The following PRKG1 variants were observed in gnomAD, a reference collection of about 807,000 sequenced individuals.
PRKG1 encodes cGMP-dependent protein kinase 1.
PRKG1 carries 35 observed loss-of-function variants against 88.1 expected under a neutral mutation model. The observed-to-expected ratio is 0.40, with a 90% CI of 0.30 to 0.53. PRKG1 has a LOEUF of 0.53. Ranked by LOEUF, PRKG1 falls within the 20% of genes least tolerant of loss-of-function variation. The probability of loss-of-function intolerance (pLI) is 0.59; values close to 1 mark genes in which losing one functional copy is unlikely to be tolerated. For missense variants in PRKG1, 540 were observed against 839.8 expected (o/e 0.64, Z 4.41); for synonymous variants, 303 against 292.5 (o/e 1.04, Z -0.37).
intron 3 of PRKG1, among the ~76,000 whole-genome samples, chr10:51,491,892 C>T (rs376187894): frequency 1.3e-5 from 2 of 152,168 alleles, no homozygotes; most frequent in East Asian, 3.9e-4. Flanking sequence ...TTGTAGAAGT[C>T]ATCCTATTTT....
intron 5 of PRKG1, among the ~76,000 whole-genome samples, chr10:52,010,954 A>G (rs1208257141): frequency 6.6e-6 from 1 of 152,180 alleles, no homozygotes; most frequent in Non-Finnish European, 1.5e-5. Context: ...TTCTGGAGGT[A>G]TTTAGTAACC....
intron 1 of PRKG1, among the ~76,000 whole-genome samples, chr10:51,118,459 T>C (rs1845182202): frequency 6.6e-6 from 1 of 152,150 alleles, no homozygotes. Context: ...TAAATTAGCT[T>C]AAATTCTTAA....
intron 7 of PRKG1, among the ~76,000 whole-genome samples, chr10:52,082,454 T>C (rs1422400008): frequency 6.6e-6 from 1 of 152,132 alleles, no homozygotes; most frequent in Non-Finnish European, 1.5e-5. Context: ...GGTGATTGCA[T>C]GTTTCTGTGG....
chr10:51,311,500 T>C (rs114856730), intron 2 of PRKG1, among the ~76,000 whole-genome samples: 3,866 of 152,282 alleles, frequency 0.025, 160 homozygotes, highest in African/African-American at 0.087. Context: ...GTGGAGAACA[T>C]TGGCAGTTGA....
At chr10:51,381,023 A>G (rs916820790) in intron 2 of PRKG1, among the ~76,000 whole-genome samples, 3 of 151,822 alleles carry the variant, frequency 2.0e-5, no homozygotes, top group Middle Eastern at 3.2e-3. Flanking sequence ...CCATTCTTTG[A>G]ATTTGGACGG....
chr10:51,677,273 A>G (rs1436051796), intron 3 of PRKG1, among the ~76,000 whole-genome samples: 2 of 152,068 alleles, frequency 1.3e-5, no homozygotes, highest in South Asian at 2.1e-4. Flanking sequence ...CCACTCTACT[A>G]TTGATGGACA....
chr10:52,183,933 C>G (rs1839115111), intron 9 of PRKG1, among the ~76,000 whole-genome samples: 1 of 152,160 alleles, frequency 6.6e-6, no homozygotes, highest in African/African-American at 2.4e-5. Flanking sequence ...TTTACCTTTT[C>G]CCTACAGGGG....
chr10:51,484,807 T>G (rs1017190573), intron 3 of PRKG1, among the ~76,000 whole-genome samples: 58 of 152,018 alleles, frequency 3.8e-4, no homozygotes, highest in African/African-American at 1.3e-3. Flanking sequence ...ATTTTTTGCT[T>G]TGTACAGAAA....
chr10:51,451,963 G>T (rs920285790), intron 2 of PRKG1, among the ~76,000 whole-genome samples: 1 of 151,862 alleles, frequency 6.6e-6, no homozygotes, highest in Admixed American at 6.6e-5. Flanking sequence ...TTTCATAAAA[G>T]ATATTATTAT....
At position 51,930,991 on chromosome 10, in the gene PRKG1, A is replaced by C. The variant is rs1211869212; in HGVS notation, c.762+23421A>C. 2.0e-5 allele frequency among the ~76,000 whole-genome samples: 3 copies of C among 152,140 alleles called. No individual in the cohort carries two copies. The East Asian group carries it at 5.8e-4, about 29-fold the overall frequency. On this transcript the variant is annotated intron_variant, in intron 5 of 17. Coordinates refer to ENST00000373980, the MANE Select transcript of PRKG1 (RefSeq NM_006258.4). ...CTGGAAGTGCTTCTCTCCTGTCCTC[A>C]GCATTGGTGACTCTCAGTGAGCTAG...
At chr10:51,615,288 G>T (rs1417178165) in intron 3 of PRKG1, among the ~76,000 whole-genome samples, 2 of 152,080 alleles carry the variant, frequency 1.3e-5, no homozygotes, top group Non-Finnish European at 2.9e-5. Flanking sequence ...AGTTTAGACA[G>T]TTTGACTATA....
intron 2 of PRKG1, among the ~76,000 whole-genome samples, chr10:51,300,386 A>T (rs1840851440): frequency 6.6e-6 from 1 of 152,244 alleles, no homozygotes; most frequent in African/African-American, 2.4e-5. Flanking sequence ...GATTTATGAA[A>T]GTTGTGGGAC....
intron 3 of PRKG1, among the ~76,000 whole-genome samples, chr10:51,556,644 C>T (rs1421959043): frequency 6.6e-6 from 1 of 152,064 alleles, no homozygotes. Flanking sequence ...GCTACATGAT[C>T]TCACTTATAA....
intron 7 of PRKG1, among the ~76,000 whole-genome samples, chr10:52,110,843 G>A (rs566356185): frequency 6.6e-6 from 1 of 152,274 alleles, no homozygotes; most frequent in Non-Finnish European, 1.5e-5. Context: ...AGAACTGCAT[G>A]TTCCAGGGCT....
rs568897037 is a variant in PRKG1 at position 51,054,713 on chromosome 10, G to T, written c.266+63069G>T. On this transcript the variant is annotated intron_variant, in intron 1 of 17. Transcript: ENST00000401604. The stretch of plus-strand genomic sequence containing the variant: ...ATCATCATTATAATTGTTGGATCAT[G>T]ATACCATAGTTATAAATTCTGTAGC... Among the ~76,000 whole-genome samples, 40 of 152,250 alleles carry T rather than the reference G, an allele frequency of 2.6e-4. No individual in the cohort carries two copies. The South Asian group carries it at 8.3e-3, about 32-fold the overall frequency.
At chr10:51,464,727 T>TA (rs1429623784) in intron 2 of PRKG1, among the ~76,000 whole-genome samples, 1 of 150,680 alleles carries the variant, frequency 6.6e-6, no homozygotes, top group Admixed American at 6.6e-5. Flanking sequence ...CCGTCTCTAC[T>TA]AAAAATACAA....
chr10:51,348,992 C>A (rs983406139), intron 2 of PRKG1, among the ~76,000 whole-genome samples: 2 of 152,112 alleles, frequency 1.3e-5, no homozygotes, highest in Non-Finnish European at 2.9e-5. Flanking sequence ...GGCATTCATA[C>A]TTGAGACGAT....
chr10:52,108,684 C>T (rs1200073595), intron 7 of PRKG1, among the ~76,000 whole-genome samples: 1 of 152,068 alleles, frequency 6.6e-6, no homozygotes, highest in Non-Finnish European at 1.5e-5. Context: ...AGCTTATATT[C>T]TGTTATTACA....
chr10:51,101,881 A>C (rs1209093422), intron 1 of PRKG1, among the ~76,000 whole-genome samples: 1 of 152,246 alleles, frequency 6.6e-6, no homozygotes, highest in Non-Finnish European at 1.5e-5. Context: ...GGCTAAAAAT[A>C]GATGAATTGA....
Sources: gnomAD v4.1 joint callset for allele counts (sites outside exome capture counted in the v4.1 genomes callset) on GRCh38, gnomAD v4.1.1 for gene constraint, MANE v1.5 for transcripts, NCBI Gene and HGNC (gene_info 2026-07-23, HGNC 2026-07-21) for gene names.